Variants in GRIK4 observed in about 807,000 individuals in gnomAD.
GRIK4 encodes the protein glutamate ionotropic receptor kainate type subunit 4.
A neutral mutation model predicts 104.9 loss-of-function variants in GRIK4; 40 were observed. That is an observed-to-expected ratio of 0.38 (90% confidence interval 0.30 to 0.50). The LOEUF is 0.50. Among genes scored for constraint, GRIK4 ranks in the 20% least tolerant of loss-of-function variants. The pLI is 0.93. For synonymous variants in GRIK4, 485 were observed against 524.9 expected, an observed-to-expected ratio of 0.92 and a Z score of 1.04; for missense variants, 1,047 against 1,308.1, an observed-to-expected ratio of 0.80 and a Z score of 3.08.
At chr11:120,636,079 T>C (rs1423668898) in intron 1 of GRIK4, among the ~76,000 whole-genome samples, 1 of 152,246 alleles carries the variant, frequency 6.6e-6, no homozygotes, top group Non-Finnish European at 1.5e-5. Context: ...GTTGGTGAGG[T>C]TCACCCATGT....
At chr11:120,733,450 T>C (rs1227047541) in intron 3 of GRIK4, among the ~76,000 whole-genome samples, 1 of 152,152 alleles carries the variant, frequency 6.6e-6, no homozygotes, top group Admixed American at 6.5e-5. Flanking sequence ...TCTCTGGTGG[T>C]GTGATTTAAT....
intron 3 of GRIK4, among the ~76,000 whole-genome samples, chr11:120,750,710 G>C (rs553916881): frequency 1.3e-5 from 2 of 152,156 alleles, no homozygotes; most frequent in South Asian, 4.1e-4. Flanking sequence ...TCCTCATCTA[G>C]AACACAGGCT....
At chr11:120,535,158 G>A (rs1020203697) in intron 1 of GRIK4, among the ~76,000 whole-genome samples, 7 of 152,208 alleles carry the variant, frequency 4.6e-5, no homozygotes, top group Admixed American at 3.9e-4. Flanking sequence ...AGGTGTGTAC[G>A]GCCCACTCTT....
intron 1 of GRIK4, among the ~76,000 whole-genome samples, chr11:120,539,327 C>T (rs1305154164): frequency 6.6e-6 from 1 of 152,192 alleles, no homozygotes; most frequent in Non-Finnish European, 1.5e-5. Flanking sequence ...CAGGGCAGAC[C>T]CCCGAGGGTG....
At chr11:120,766,918 C>T (rs962839400) in intron 3 of GRIK4, among the ~76,000 whole-genome samples, 11 of 151,798 alleles carry the variant, frequency 7.2e-5, no homozygotes, top group African/African-American at 1.7e-4. Flanking sequence ...CCCAGGAATC[C>T]GTGTATTATA....
chr11:120,889,433 A>G (rs1172215682), intron 11 of GRIK4, among the ~76,000 whole-genome samples: 1 of 151,976 alleles, frequency 6.6e-6, no homozygotes, highest in African/African-American at 2.4e-5. Flanking sequence ...AGAAGCCACA[A>G]ATACATTATT....
intron 2 of GRIK4, among the ~76,000 whole-genome samples, chr11:120,656,631 C>T (rs11500871): frequency 0.023 from 3,448 of 152,192 alleles, 146 homozygotes; most frequent in African/African-American, 0.078. Flanking sequence ...GAGGCCGAGG[C>T]GGGTGGATCA....
chr11:120,955,974 G>A (rs1439385120), intron 15 of GRIK4, among the ~76,000 whole-genome samples: 1 of 152,134 alleles, frequency 6.6e-6, no homozygotes, highest in Non-Finnish European at 1.5e-5. Context: ...AGACTTACCA[G>A]TGCAGAAGCA....
chr11:120,695,836 G>A (rs765157662), intron 3 of GRIK4, among the ~76,000 whole-genome samples: 50 of 152,338 alleles, frequency 3.3e-4, no homozygotes, highest in Non-Finnish European at 5.3e-4. Context: ...GGCAGCCAAG[G>A]ACCCAACTGA....
At chr11:120,791,637 A>T (rs1244467116) in intron 3 of GRIK4, among the ~76,000 whole-genome samples, 1 of 152,110 alleles carries the variant, frequency 6.6e-6, no homozygotes, top group Non-Finnish European at 1.5e-5. Flanking sequence ...GTTTAATTTT[A>T]TGGGTTGTGC....
chr11:120,572,021 T>C (rs534265137), intron 1 of GRIK4, among the ~76,000 whole-genome samples: 1 of 152,308 alleles, frequency 6.6e-6, no homozygotes, highest in East Asian at 1.9e-4. Context: ...ACAACACATA[T>C]TTCTCACCAT....
rs1203899485 is a variant in GRIK4, at chr11:120,986,057, G to A, written c.2668G>A (p.Gly890Arg). ...GCGGGGCACGGCGACGCTCAGCAAC[G>A]GGAAGCTGTGCGGGGCAGGGGAGCC... ...RPRGTATLSN[G>R]KLCGAGEPDQ... The change falls in exon 21 of 21, where the codon GGG (glycine) becomes AGG (arginine). Residue 890 changes from glycine (G) to arginine (R), a missense_variant. By Grantham distance (125) the Gly-to-Arg change is moderately radical. Transcript: ENST00000527524. 9.2e-6 allele frequency: 14 copies of A among 1,521,666 alleles called. No individual in the cohort carries two copies. Among genetic ancestry groups the A allele is most frequent in the African/African-American group, 2.9e-5 (2 of 69,596 alleles). 94.3% of individuals were successfully genotyped at this position (1,521,666 alleles called of 1,614,324 possible). A position where few individuals can be genotyped will look rare whatever the true frequency, so the allele number is the denominator to read the frequency against.
At chr11:120,922,986 T>C (rs1414040366) in intron 13 of GRIK4, among the ~76,000 whole-genome samples, 1 of 152,216 alleles carries the variant, frequency 6.6e-6, no homozygotes, top group Non-Finnish European at 1.5e-5. Flanking sequence ...TTGTTGACTC[T>C]TGCCAGACAG....
At chr11:120,532,774 G>A (rs900526231) in intron 1 of GRIK4, among the ~76,000 whole-genome samples, 4 of 152,142 alleles carry the variant, frequency 2.6e-5, no homozygotes, top group African/African-American at 7.2e-5. Context: ...CTGGAGACTC[G>A]GGACAAAGAC....
At chr11:120,899,612 T>C (rs1383852688) in intron 12 of GRIK4, among the ~76,000 whole-genome samples, 1 of 152,140 alleles carries the variant, frequency 6.6e-6, no homozygotes, top group African/African-American at 2.4e-5. Flanking sequence ...GGTTGTAAGT[T>C]AGTAGATGGG....
At chr11:120,563,883 C>T (rs1411712330) in intron 1 of GRIK4, among the ~76,000 whole-genome samples, 1 of 152,204 alleles carries the variant, frequency 6.6e-6, no homozygotes, top group East Asian at 1.9e-4. Context: ...CCTCCACGCC[C>T]GCTCTGAGCA....
chr11:120,966,651 C>T (rs532074076), intron 18 of GRIK4, among the ~76,000 whole-genome samples: 9 of 152,250 alleles, frequency 5.9e-5, no homozygotes, highest in South Asian at 2.1e-4. Context: ...GGATTACAGG[C>T]GTGAGCCACC....
chr11:120,573,073 G>A (rs965373589), intron 1 of GRIK4, among the ~76,000 whole-genome samples: 15 of 152,142 alleles, frequency 9.9e-5, no homozygotes, highest in Admixed American at 3.3e-4. Context: ...TGTTTAAAGC[G>A]AAGTGTTCTC....
chr11:120,731,723 G>T (rs1317118038), intron 3 of GRIK4, among the ~76,000 whole-genome samples: 1 of 151,912 alleles, frequency 6.6e-6, no homozygotes. Flanking sequence ...CTTGATTATG[G>T]TTTCGATCTC....
Sources: gnomAD v4.1 joint callset for allele counts (sites outside exome capture counted in the v4.1 genomes callset) on GRCh38, gnomAD v4.1.1 for gene constraint, MANE v1.5 for transcripts, NCBI Gene and HGNC (gene_info 2026-07-23, HGNC 2026-07-21) for gene names.